Variants in ALLC observed in about 807,000 individuals in gnomAD.
The protein encoded by ALLC is allantoicase.
ALLC carries 40 observed loss-of-function variants against 45.0 expected under a neutral mutation model. The ratio of observed to expected loss-of-function variants is 0.89; its 90% CI spans 0.69 to 1.16. The LOEUF is 1.16. ALLC is among the 50% of genes most tolerant of loss of function. The probability of loss-of-function intolerance (pLI) is 0.00; values close to 1 mark genes in which losing one functional copy is unlikely to be tolerated. For missense variants in ALLC, 488 were observed against 493.1 expected (o/e 0.99, Z 0.10); for synonymous variants, 176 against 178.1 (o/e 0.99, Z 0.09).
intron 5 of ALLC, among the ~76,000 whole-genome samples, chr2:3,681,235 C>T (rs1213554804): frequency 6.6e-6 from 1 of 152,188 alleles, no homozygotes; most frequent in Non-Finnish European, 1.5e-5. Flanking sequence ...AGCCCCTCAA[C>T]TGCCCATGAG....
chr2:3,656,965 C>T (rs909786658), upstream of ALLC, among the ~76,000 whole-genome samples: 5 of 152,140 alleles, frequency 3.3e-5, no homozygotes, highest in African/African-American at 9.7e-5. Flanking sequence ...GTGACTGATC[C>T]GAGGCGGCGA....
At chr2:3,669,925 G>A (rs1666822210) in intron 1 of ALLC, among the ~76,000 whole-genome samples, 1 of 152,170 alleles carries the variant, frequency 6.6e-6, no homozygotes, top group African/African-American at 2.4e-5. Flanking sequence ...AATTCATGTC[G>A]GGAAGGTGCT....
chr2:3,678,898 G>T (rs1209668274), intron 4 of ALLC, among the ~76,000 whole-genome samples: 1 of 152,174 alleles, frequency 6.6e-6, no homozygotes, highest in African/African-American at 2.4e-5. Flanking sequence ...CAGTCCTCTG[G>T]AGTAGGTCTC....
At chr2:3,696,218 T>C in intron 8 of ALLC, 57 bp from the exon 9 acceptor site, 1 of 1,388,668 alleles carries the variant, frequency 7.2e-7, no homozygotes, top group Non-Finnish European at 1.0e-6. Context: ...CAGCAATGTA[T>C]TCATCCTCAT....
upstream of ALLC, among the ~76,000 whole-genome samples, chr2:3,655,023 G>C (rs758183216): frequency 1.3e-5 from 2 of 152,376 alleles, no homozygotes; most frequent in Non-Finnish European, 2.9e-5. Context: ...GCCTGCAGTC[G>C]AGGTGTCCGT....
At position 3,701,502 on chromosome 2, in the gene ALLC, G is replaced by A; in HGVS notation, c.851-10G>A. 6.3e-7 allele frequency: 1 copy of A among 1,581,114 alleles called. No homozygotes were observed. Among genetic ancestry groups the A allele is most frequent in the Non-Finnish European group, 8.6e-7 (1 of 1,160,788 alleles). Reference sequence around the variant, plus strand: ...CGGGCAGAAAATCACGCTGTGTTTTGCTCCAACAGGCAATGCTCCTGACAG... The same window carrying A: ...CGGGCAGAAAATCACGCTGTGTTTTACTCCAACAGGCAATGCTCCTGACAG... On this transcript the variant is annotated splice_polypyrimidine_tract_variant and intron_variant, in intron 10 of 11. Coordinates refer to ENST00000252505, the MANE Select transcript of ALLC (RefSeq NM_018436.4).
chr2:3,659,317 T>G (rs1666513691), intron 1 of ALLC, among the ~76,000 whole-genome samples: 1 of 152,180 alleles, frequency 6.6e-6, no homozygotes, highest in African/African-American at 2.4e-5. Flanking sequence ...GAGCACCACT[T>G]GACTGCCTGA....
chr2:3,661,668 A>G (rs1161397410), intron 1 of ALLC, among the ~76,000 whole-genome samples: 1 of 151,968 alleles, frequency 6.6e-6, no homozygotes, highest in Non-Finnish European at 1.5e-5. Flanking sequence ...ACCTCTTAGC[A>G]CCTCTCCGAC....
Position 3,679,945 on chromosome 2 carries a change from G to A in ALLC, c.249G>A (p.Thr83=), listed in dbSNP as rs373982525. 1.3e-4 allele frequency: 210 copies of A among 1,613,826 alleles called. No homozygotes were observed. The highest frequency in any genetic ancestry group is 1.7e-4 in the Non-Finnish European group (200 of 1,179,884). Reference sequence around the variant, plus strand: ...TCGACGTGGACGTTTCTTACTTCACGGGAGATTACGCTCCTCGAGTGTCCA... The same window carrying A: ...TCGACGTGGACGTTTCTTACTTCACAGGAGATTACGCTCCTCGAGTGTCCA... ...RGFDVDVSYF[T]GDYAPRVSIQ... The change falls in exon 5 of 12, where the codon ACG becomes ACA. Residue 83 remains threonine, a synonymous_variant. Coordinates refer to ENST00000252505, the MANE Select transcript of ALLC (RefSeq NM_018436.4).
intron 2 of ALLC, among the ~76,000 whole-genome samples, chr2:3,671,638 C>T (rs1214490421): frequency 0.021 from 1,372 of 65,256 alleles, no homozygotes; most frequent in African/African-American, 0.062. Context: ...TGGGAGGTCC[C>T]CTGGCTCTAT....
At chr2:3,656,999 C>T (rs560175187), upstream of ALLC, among the ~76,000 whole-genome samples, 4 of 152,244 alleles carry the variant, frequency 2.6e-5, no homozygotes, top group East Asian at 7.7e-4. Flanking sequence ...ACTGCTGTGG[C>T]GGGGAAGTCA....
At chr2:3,652,419 G>A in the ALLC span, among the ~76,000 whole-genome samples, 1 of 152,332 alleles carries the variant, frequency 6.6e-6, no homozygotes, top group East Asian at 1.9e-4. Flanking sequence ...CTACATGGAA[G>A]CTTTGTAGGC....
the ALLC span, among the ~76,000 whole-genome samples, chr2:3,652,278 T>C: frequency 1.3e-5 from 2 of 152,254 alleles, no homozygotes; most frequent in African/African-American, 4.8e-5. Flanking sequence ...TGCATTTCAC[T>C]AGCTTCCTGT....
At chr2:3,656,490 C>T (rs1666442520), upstream of ALLC, among the ~76,000 whole-genome samples, 1 of 152,250 alleles carries the variant, frequency 6.6e-6, no homozygotes, top group Non-Finnish European at 1.5e-5. Flanking sequence ...AAACTTACCT[C>T]ATAAGACAGA....
In ALLC at chr2:3,702,375, C is replaced by G; in HGVS notation, c.988C>G (p.Gln330Glu). 4 of 1,613,066 alleles carry G rather than the reference C, an allele frequency of 2.5e-6. No homozygotes were observed. The highest frequency in any genetic ancestry group is 3.4e-6 in the Non-Finnish European group (4 of 1,179,718). Residue 330 changes from glutamine (Q) to glutamate (E), a missense_variant, in exon 12 of 12, where the codon CAA becomes GAA. Transcript: ENST00000252505. ...GCTTGCTTTTCAGTTGTCTCCCAAC[C>G]AAAGTCATCTGTTCGATAGCCTGAC... ...LLPVTKLSPN[Q>E]SHLFDSLTLE...
chr2:3,677,034 C>A (rs1483238975), intron 3 of ALLC, among the ~76,000 whole-genome samples: 4 of 152,054 alleles, frequency 2.6e-5, no homozygotes, highest in Admixed American at 2.6e-4. Flanking sequence ...GTGATCCGCC[C>A]TCCTTGGCCT....
intron 7 of ALLC, among the ~76,000 whole-genome samples, chr2:3,692,560 A>G (rs921222512): frequency 2.0e-5 from 3 of 152,152 alleles, no homozygotes; most frequent in African/African-American, 7.2e-5. Flanking sequence ...TCAGCACTAG[A>G]TGGCACCTTA....
chr2:3,697,248 TA>T, intron 9 of ALLC, 99 bp from the exon 10 acceptor site: 1 of 843,480 alleles, frequency 1.2e-6, no homozygotes, highest in Non-Finnish European at 2.0e-6. Flanking sequence ...TAGTAAGAAA[TA>T]AAAGAAACAC....
chr2:3,676,174 A>C (rs1667020713), intron 3 of ALLC, among the ~76,000 whole-genome samples: 1 of 152,258 alleles, frequency 6.6e-6, no homozygotes, highest in Non-Finnish European at 1.5e-5. Flanking sequence ...GAATTCTTCT[A>C]ATGTATTTTA....
Sources: allele counts gnomAD v4.1 joint callset (sites outside exome capture counted in the v4.1 genomes callset), GRCh38; gene constraint gnomAD v4.1.1; transcripts MANE v1.5; gene names NCBI Gene and HGNC (gene_info 2026-07-23, HGNC 2026-07-21).